Variants in PHACTR2 observed in about 807,000 individuals in gnomAD.
PHACTR2 encodes phosphatase and actin regulator 2, also known as chromosome 6 open reading frame 56.
PHACTR2 carries 30 observed loss-of-function variants against 76.0 expected under a neutral mutation model. The ratio of observed to expected loss-of-function variants is 0.39; its 90% CI spans 0.30 to 0.54. The LOEUF is 0.54. Ranked by LOEUF, PHACTR2 falls within the 20% of genes least tolerant of loss-of-function variation. The probability of loss-of-function intolerance (pLI) is 0.61; values close to 1 mark genes in which losing one functional copy is unlikely to be tolerated. For missense variants in PHACTR2, 696 were observed against 781.1 expected (o/e 0.89, Z 1.30); for synonymous variants, 292 against 292.5 (o/e 1.00, Z 0.02).
Position 143,753,897 on chromosome 6 carries a change from G to A in PHACTR2, c.439G>A (p.Ala147Thr). The A allele has an allele frequency of 1.2e-6, 2 of 1,601,452 alleles. No homozygotes were observed. The highest frequency in any genetic ancestry group is 1.7e-6 in the Non-Finnish European group (2 of 1,176,452). ...AAAAACACCACCTCTGGAGGAACAG[G>A]CAGAAGATAAGAAAGGTAAAATAAA... ...SEKTPPLEEQ[A>T]EDKKENTENH... The change falls in exon 4 of 13, where the codon GCA becomes ACA. Residue 147 changes from alanine (A) to threonine (T), a missense_variant. By Grantham distance (58) the Ala-to-Thr change is moderately conservative (BLOSUM62 0). Coordinates refer to ENST00000440869, the MANE Select transcript of PHACTR2 (RefSeq NM_001100164.2). The surrounding 1 kb of genome is among the most constrained non-coding windows in gnomAD (Gnocchi z 4.6).
At chr6:143,732,096 C>A (rs914140715) in intron 2 of PHACTR2, among the ~76,000 whole-genome samples, 2 of 152,182 alleles carry the variant, frequency 1.3e-5, no homozygotes, top group Non-Finnish European at 2.9e-5. Context: ...TATTTCAAAT[C>A]TCTCCTCTCC....
rs985985735 is a variant in PHACTR2 at position 143,611,133 on chromosome 6, T to C, written c.13+2811T>C. 1.3e-3 allele frequency among the ~76,000 whole-genome samples: 202 copies of C among 151,570 alleles called. No individual in the cohort carries two copies. The highest frequency in any genetic ancestry group is 1.1e-3 in the Non-Finnish European group (75 of 68,002). On this transcript the variant is annotated intron_variant, in intron 1 of 11. Transcript: ENST00000305766. The surrounding 1 kb of genome is among the most constrained non-coding windows in gnomAD (Gnocchi z 4.4). ...ACACAATTTTTGAAATGTAATCCCA[T>C]ATTCTACAGTGCAGAGTACTGTTAA...
chr6:143,693,265 T>G (rs1777690475), intron 1 of PHACTR2, among the ~76,000 whole-genome samples: 1 of 151,970 alleles, frequency 6.6e-6, no homozygotes, highest in Admixed American at 6.6e-5. Context: ...TGAGACGGAG[T>G]CTTACTCCAT....
chr6:143,711,078 C>T, intron 1 of PHACTR2: 1 of 516,244 alleles, frequency 1.9e-6, no homozygotes, highest in Non-Finnish European at 3.9e-6. Flanking sequence ...ATTGTAAATA[C>T]CATTTGATGA....
rs983094581 is a variant in PHACTR2 at position 143,776,099 on chromosome 6, A to G, written c.1590-1229A>G. Among the ~76,000 whole-genome samples the G allele has an allele frequency of 2.0e-5, 3 of 152,188 alleles. No individual in the cohort carries two copies. The highest frequency in any genetic ancestry group is 2.4e-5 in the African/African-American group (1 of 41,438). ...TGTACCACTGCACACCAGCCTGGGC[A>G]ACAGAGTGAGACTCCATCTCAAAAA... On this transcript the variant is annotated intron_variant, in intron 8 of 12. Coordinates refer to ENST00000440869, the MANE Select transcript of PHACTR2 (RefSeq NM_001100164.2). This position sits in a 1 kb window ranked among gnomAD's most constrained non-coding sequence, Gnocchi z 5.3.
At chr6:143,604,373 A>G (rs1362479617), upstream of PHACTR2, among the ~76,000 whole-genome samples, 1 of 152,202 alleles carries the variant, frequency 6.6e-6, no homozygotes, top group African/African-American at 2.4e-5. Context: ...TTCATCCTCT[A>G]AAAGTAAAAC....
upstream of PHACTR2, among the ~76,000 whole-genome samples, chr6:143,677,269 CTG>C (rs1303012746): frequency 2.0e-5 from 3 of 149,376 alleles, no homozygotes; most frequent in Non-Finnish European, 4.5e-5. Flanking sequence ...TAATCATTAA[CTG>C]TAAATATGAA....
intron 2 of PHACTR2, among the ~76,000 whole-genome samples, chr6:143,726,593 A>C (rs1281018154): frequency 6.6e-6 from 1 of 152,174 alleles, no homozygotes; most frequent in Non-Finnish European, 1.5e-5. Flanking sequence ...GCATGTGACA[A>C]GATTTCCTTT....
rs562580950 is a variant in PHACTR2 at position 143,554,012 on chromosome 6, A to G, written c.217+16805A>G. Among the ~76,000 whole-genome samples, 1 of 152,294 alleles carries G rather than the reference A, an allele frequency of 6.6e-6. No homozygotes were observed. The highest frequency in any genetic ancestry group is 2.1e-4 in the South Asian group (1 of 4,828). On this transcript the variant is annotated intron_variant, in intron 1 of 11. Transcript: ENST00000367584. This position sits in a 1 kb window ranked among gnomAD's most constrained non-coding sequence, Gnocchi z 5.9. ...GGGTTGGGCCCCTGTAGACCACCGC[A>G]ATGACGTTGACATTTTCTCTGAGTG...
rs1455323583 is a variant in PHACTR2 at position 143,597,200 on chromosome 6, G to A, written c.217+59993G>A. Among the ~76,000 whole-genome samples the A allele has an allele frequency of 6.6e-6, 1 of 152,232 alleles. No homozygotes were observed. Among genetic ancestry groups the A allele is most frequent in the Non-Finnish European group, 1.5e-5 (1 of 68,042 alleles). On this transcript the variant is annotated intron_variant, in intron 1 of 11. Transcript: ENST00000367584. This position sits in a 1 kb window ranked among gnomAD's most constrained non-coding sequence, Gnocchi z 5.7. ...GACAGGAATGACTTCCAGGAAGATA[G>A]TTGCTCAACCTAGCCTCCAAGAAAT...
intron 12 of PHACTR2, among the ~76,000 whole-genome samples, chr6:143,813,867 G>A (rs1776239813): frequency 6.6e-6 from 1 of 151,968 alleles, no homozygotes; most frequent in Non-Finnish European, 1.5e-5. Context: ...GGGTGTTAGG[G>A]GCACTGATCC....
intron 2 of PHACTR2, among the ~76,000 whole-genome samples, chr6:143,747,081 C>CA (rs1180942838): frequency 6.6e-6 from 1 of 151,894 alleles, no homozygotes; most frequent in South Asian, 2.1e-4. Context: ...TGATTCTATC[C>CA]AAAAAAAGTT....
rs1777778090 is a variant in PHACTR2, at chr6:143,696,671, C to T, written c.47-15345C>T. Among the ~76,000 whole-genome samples the T allele has an allele frequency of 6.6e-6, 1 of 152,150 alleles. No individual in the cohort carries two copies. Among genetic ancestry groups the T allele is most frequent in the Admixed American group, 6.5e-5 (1 of 15,280 alleles). On this transcript the variant is annotated intron_variant, in intron 1 of 12. Coordinates refer to ENST00000440869, the MANE Select transcript of PHACTR2 (RefSeq NM_001100164.2). This position sits in a 1 kb window ranked among gnomAD's most constrained non-coding sequence, Gnocchi z 4.1. ...TTTTTCCTTTGCAGTACTCACAGGT[C>T]TGTGTTTATATTTAAATGGCTATTT...
intron 12 of PHACTR2, among the ~76,000 whole-genome samples, chr6:143,815,647 C>A (rs769907865): frequency 1.3e-4 from 20 of 152,048 alleles, no homozygotes; most frequent in Non-Finnish European, 2.6e-4. Flanking sequence ...AATCCCAGCA[C>A]TTTGGGAGGC....
At position 143,639,485 on chromosome 6, in the gene PHACTR2, A is replaced by G. The variant is rs1472720297; in HGVS notation, c.13+31163A>G. 6.6e-6 allele frequency among the ~76,000 whole-genome samples: 1 copy of G among 152,166 alleles called. No individual in the cohort carries two copies. The highest frequency in any genetic ancestry group is 1.5e-5 in the Non-Finnish European group (1 of 68,020). Reference sequence around the variant, plus strand: ...TAATTCACACTTTTGTTTTCTGCTTATGTAGATCACCTATTTTTACTTTTG... The same window carrying G: ...TAATTCACACTTTTGTTTTCTGCTTGTGTAGATCACCTATTTTTACTTTTG... On this transcript the variant is annotated intron_variant, in intron 1 of 11. Transcript: ENST00000305766. The surrounding 1 kb of genome is among the most constrained non-coding windows in gnomAD (Gnocchi z 5.0).
intron 1 of PHACTR2, among the ~76,000 whole-genome samples, chr6:143,615,865 G>T (rs1279224658): frequency 6.6e-6 from 1 of 152,154 alleles, no homozygotes; most frequent in Non-Finnish European, 1.5e-5. Flanking sequence ...TGCCTGAATA[G>T]TCCTTTTTCT....
chr6:143,773,811 T>A (rs2295202), intron 7 of PHACTR2, among the ~76,000 whole-genome samples: 1 of 152,284 alleles, frequency 6.6e-6, no homozygotes, highest in African/African-American at 2.4e-5. Flanking sequence ...GATGAAGTGA[T>A]ACTTCTAAGT....
At position 143,618,680 on chromosome 6, in the gene PHACTR2, T is replaced by C. The variant is rs1341548127; in HGVS notation, c.13+10358T>C. Among the ~76,000 whole-genome samples the C allele has an allele frequency of 6.6e-6, 1 of 151,948 alleles. No homozygotes were observed. The highest frequency in any genetic ancestry group is 1.5e-5 in the Non-Finnish European group (1 of 67,976). On this transcript the variant is annotated intron_variant, in intron 1 of 11. Transcript: ENST00000305766. This position sits in a 1 kb window ranked among gnomAD's most constrained non-coding sequence, Gnocchi z 5.2. ...GCCCCCACCATTTCTCCCCAGACCC[T>C]CTCACTTGCATGTCCCCTATTGCCA...
intron 1 of PHACTR2, among the ~76,000 whole-genome samples, chr6:143,649,392 AG>A (rs1171635015): frequency 6.6e-6 from 1 of 152,254 alleles, no homozygotes; most frequent in Non-Finnish European, 1.5e-5. Flanking sequence ...CAACAAAAAA[AG>A]AAAACTTCAT....
Sources: gnomAD v4.1 joint callset for allele counts (sites outside exome capture counted in the v4.1 genomes callset) on GRCh38, gnomAD v4.1.1 for gene constraint, Gnocchi (gnomAD v3.1) non-coding constraint, MANE v1.5 for transcripts, NCBI Gene and HGNC (gene_info 2026-07-23, HGNC 2026-07-21) for gene names.